The following USH2A variants were observed in gnomAD, a reference collection of about 807,000 sequenced individuals.
The protein encoded by USH2A is Usher syndrome 2A (autosomal recessive, mild).
A neutral mutation model predicts 538.9 loss-of-function variants in USH2A; 443 were observed. The ratio of observed to expected loss-of-function variants is 0.82; its 90% CI spans 0.76 to 0.89. The LOEUF is 0.89. Among genes scored for constraint, USH2A ranks in the 40% least tolerant of loss-of-function variants. The pLI, the probability that USH2A is intolerant of heterozygous loss-of-function variation, is 0.00. For missense variants in USH2A, 6,633 were observed against 6,324.8 expected (o/e 1.05, Z -1.65); for synonymous variants, 2,413 against 2,273.5 (o/e 1.06, Z -1.75).
At chr1:215,779,162 T>C (rs1018278961) in intron 55 of USH2A, among the ~76,000 whole-genome samples, 3 of 152,162 alleles carry the variant, frequency 2.0e-5, no homozygotes, top group Non-Finnish European at 4.4e-5. Context: ...AACAAAGTGA[T>C]GTGGTGGTGT....
At chr1:215,732,469 T>C (rs780147338) in intron 60 of USH2A, among the ~76,000 whole-genome samples, 1 of 151,632 alleles carries the variant, frequency 6.6e-6, no homozygotes, top group Non-Finnish European at 1.5e-5. Flanking sequence ...TATTTCACGG[T>C]TCCATGGCTT....
At chr1:216,192,061 AATCT>A (rs1394670078) in intron 19 of USH2A, among the ~76,000 whole-genome samples, 2 of 152,068 alleles carry the variant, frequency 1.3e-5, no homozygotes, top group Non-Finnish European at 2.9e-5. Flanking sequence ...AGTCTTATAA[AATCT>A]ATCTAATTGA....
In USH2A at chr1:216,046,472, C is replaced by T; in HGVS notation, c.6284G>A (p.Arg2095Lys). 2 of 1,613,514 alleles carry T rather than the reference C, an allele frequency of 1.2e-6. No individual in the cohort carries two copies. The highest frequency in any genetic ancestry group is 1.7e-6 in the Non-Finnish European group (2 of 1,179,700). ...ITQYCLYMDG[R>K]LIYSGSEENY... ...CTCCTCACTGCCTGAATAGATCAGC[C>T]TCCCATCCATGTATAAACAGTACTG... is the stretch of plus-strand genomic sequence containing the variant. Residue 2095 changes from arginine (R) to lysine (K), a missense_variant, in exon 32 of 72, where the codon AGG (arginine) becomes AAG (lysine). Physicochemically the swap from Arg to Lys is conservative, Grantham distance 26. Transcript: ENST00000307340.
At chr1:215,752,258 C>G (rs1660644235) in intron 58 of USH2A, among the ~76,000 whole-genome samples, 1 of 152,072 alleles carries the variant, frequency 6.6e-6, no homozygotes, top group South Asian at 2.1e-4. Context: ...TTGTGTTCCT[C>G]CATTAATTCA....
rs1230608215 is a variant in USH2A at position 216,232,259 on chromosome 1, G to A, written c.2810-123C>T. On this transcript the variant is annotated intron_variant, in intron 13 of 71. Coordinates refer to ENST00000307340, the MANE Select transcript of USH2A (RefSeq NM_206933.4). ...CAAGGCACTAATTCCCAATACAAAT[G>A]TGGTTATATCTGTCCTTCAGTGTGT... 5.3e-6 allele frequency: 6 copies of A among 1,128,500 alleles called. 1 individual carries two copies. In the Admixed American group the frequency reaches 9.9e-5, roughly 19 times the overall value. 69.9% of individuals were successfully genotyped at this position (1,128,500 alleles called of 1,614,324 possible). A position where few individuals can be genotyped will look rare whatever the true frequency, so the allele number is the denominator to read the frequency against.
intron 36 of USH2A, among the ~76,000 whole-genome samples, chr1:215,969,871 A>G (rs545360441): frequency 6.6e-6 from 1 of 152,152 alleles, no homozygotes; most frequent in Non-Finnish European, 1.5e-5. Context: ...AATATCTAAG[A>G]CTAATGAGCA....
At chr1:215,749,260 A>T (rs191931999) in intron 58 of USH2A, among the ~76,000 whole-genome samples, 17 of 152,360 alleles carry the variant, frequency 1.1e-4, no homozygotes, top group African/African-American at 3.8e-4. Flanking sequence ...TAAAAAGGAC[A>T]GGACTCCCAG....
chr1:215,741,745 T>C (rs577727659), intron 59 of USH2A, among the ~76,000 whole-genome samples: 2 of 152,274 alleles, frequency 1.3e-5, no homozygotes, highest in South Asian at 2.1e-4. Context: ...TAGTCACATA[T>C]TTATATAGAC....
chr1:215,921,525 A>C (rs1226823912), intron 38 of USH2A, among the ~76,000 whole-genome samples: 1 of 152,002 alleles, frequency 6.6e-6, no homozygotes, highest in African/African-American at 2.4e-5. Context: ...ATTATATTTG[A>C]CCCTACTATA....
chr1:216,403,305 T>C lies in USH2A; in HGVS notation c.651+15209A>G, dbSNP rs149573617. ...TGATAAAGAACACTTACCCAAACAA[T>C]CTACAGCTAACATCATACTTAATGG... On this transcript the variant is annotated intron_variant, in intron 3 of 71. Transcript: ENST00000307340. 2.6e-5 allele frequency among the ~76,000 whole-genome samples: 4 copies of C among 152,222 alleles called. No homozygotes were observed. In the East Asian group the frequency reaches 7.7e-4, roughly 29 times the overall value.
At chr1:215,936,776 G>A (rs1425985114) in intron 37 of USH2A, among the ~76,000 whole-genome samples, 1 of 151,906 alleles carries the variant, frequency 6.6e-6, no homozygotes. Flanking sequence ...AAATTCTAAG[G>A]TTTTTCAATG....
rs1268834867 is a variant in USH2A, at chr1:216,158,612, A to T, written c.4627+16640T>A. ...ATCTGTTCTTTTGCCTATACTATAC[A>T]TGCTTACCTACTGCAGTCTTATAGT... On this transcript the variant is annotated intron_variant, in intron 21 of 71. Coordinates refer to ENST00000307340, the MANE Select transcript of USH2A (RefSeq NM_206933.4). 2.6e-5 allele frequency among the ~76,000 whole-genome samples: 4 copies of T among 152,214 alleles called. No homozygotes were observed. In the East Asian group the frequency reaches 7.7e-4, roughly 29 times the overall value.
At chr1:216,193,003 G>A (rs1186293993) in intron 19 of USH2A, among the ~76,000 whole-genome samples, 3 of 151,996 alleles carry the variant, frequency 2.0e-5, no homozygotes, top group African/African-American at 7.3e-5. Context: ...CTAATAATTG[G>A]GAGATGTGGA....
At chr1:216,119,116 G>C (rs1361115827) in intron 21 of USH2A, among the ~76,000 whole-genome samples, 4 of 152,110 alleles carry the variant, frequency 2.6e-5, no homozygotes, top group African/African-American at 9.7e-5. Flanking sequence ...TTATTTATTA[G>C]GATGGTCTTA....
At chr1:215,980,123 T>C (rs1667715717) in intron 35 of USH2A, among the ~76,000 whole-genome samples, 1 of 152,220 alleles carries the variant, frequency 6.6e-6, no homozygotes. Flanking sequence ...CAGGGGAGCA[T>C]GCCAGGTAAG....
chr1:216,143,659 A>G (rs185156090), intron 21 of USH2A, among the ~76,000 whole-genome samples: 1 of 152,330 alleles, frequency 6.6e-6, no homozygotes, highest in African/African-American at 2.4e-5. Context: ...TTATTTACAT[A>G]GCATAGCTCT....
intron 21 of USH2A, among the ~76,000 whole-genome samples, chr1:216,124,761 A>T (rs929062656): frequency 2.6e-5 from 4 of 152,186 alleles, no homozygotes; most frequent in Non-Finnish European, 1.5e-5. Flanking sequence ...TCACAATGCC[A>T]TTTCCCCTAA....
intron 70 of USH2A, among the ~76,000 whole-genome samples, chr1:215,632,674 C>T (rs1043437638): frequency 6.6e-6 from 1 of 152,134 alleles, no homozygotes. Flanking sequence ...ACTCCATAGA[C>T]CCTAGTTTCA....
At chr1:216,392,717 A>C (rs1231768165) in intron 3 of USH2A, among the ~76,000 whole-genome samples, 1 of 152,152 alleles carries the variant, frequency 6.6e-6, no homozygotes, top group Non-Finnish European at 1.5e-5. Flanking sequence ...TACTATGGTT[A>C]ATAACATATA....
Sources: allele counts gnomAD v4.1 joint callset (sites outside exome capture counted in the v4.1 genomes callset), GRCh38; gene constraint gnomAD v4.1.1; transcripts MANE v1.5; gene names NCBI Gene and HGNC (gene_info 2026-07-23, HGNC 2026-07-21).